TEX35: variants seen among roughly 807,000 people sequenced by gnomAD.
The protein encoded by TEX35 is testis-expressed protein 35.
A neutral mutation model predicts 31.9 loss-of-function variants in TEX35; 26 were observed. The observed-to-expected ratio is 0.81, with a 90% CI of 0.60 to 1.13. The LOEUF (loss-of-function observed/expected upper bound fraction) is 1.13. Ranked by LOEUF, TEX35 falls within the 50% of genes most tolerant of loss-of-function variation. The pLI is 0.00. For synonymous variants in TEX35, 87 were observed against 90.7 expected, an observed-to-expected ratio of 0.96 and a Z score of 0.23; for missense variants, 278 against 273.5, an observed-to-expected ratio of 1.02 and a Z score of -0.12.
chr1:178,513,573 A>G (rs1649953292), intron 1 of TEX35, among the ~76,000 whole-genome samples: 1 of 152,282 alleles, frequency 6.6e-6, no homozygotes, highest in African/African-American at 2.4e-5. Flanking sequence ...TATTAGATAA[A>G]TATAATCATC....
intron 5 of TEX35, among the ~76,000 whole-genome samples, chr1:178,519,384 A>G (rs1373610669): frequency 6.6e-6 from 1 of 152,230 alleles, no homozygotes; most frequent in Non-Finnish European, 1.5e-5. Context: ...GCTTGGGAAA[A>G]TGAAATCAGT....
intron 3 of TEX35, 107 bp downstream of exon 3, chr1:178,514,875 T>C (rs562956464): frequency 1.3e-5 from 12 of 890,288 alleles, no homozygotes; most frequent in East Asian, 5.3e-5. Context: ...TCCTCTTACA[T>C]AGGCACAGTG....
intron 3 of TEX35, 142 bp from the exon 4 acceptor site, chr1:178,515,717 T>C (rs1650051027): frequency 3.0e-6 from 2 of 676,980 alleles, no homozygotes. Flanking sequence ...TATCCTATTG[T>C]CTCAACAACA....
Position 178,521,251 on chromosome 1 carries a change from C to A in TEX35, c.573C>A (p.Asn191Lys). 2.5e-6 allele frequency: 4 copies of A among 1,614,228 alleles called. No homozygotes were observed. The highest frequency in any genetic ancestry group is 3.4e-6 in the Non-Finnish European group (4 of 1,180,042). The part of the protein sequence containing the change: ...CEKCLLCALK[N>K]NYNRGNIPSE... ...AATGTTTGTTGTGTGCTCTAAAGAA[C>A]AACTACAATCGGGGTAGGTAGATTC... The change falls in exon 8 of 9, where the codon AAC (asparagine) becomes AAA (lysine). Residue 191 changes from asparagine to lysine, a missense_variant. Asn to Lys is a moderately conservative substitution (Grantham distance 94). Coordinates refer to ENST00000319416, the MANE Select transcript of TEX35 (RefSeq NM_032126.5).
At position 178,522,649 on chromosome 1, in the gene TEX35, TC is replaced by T. The variant is rs1650328368; in HGVS notation, c.*210del. 8.1e-7 allele frequency: 1 copy of T among 1,240,462 alleles called. No homozygotes were observed. The highest frequency in any genetic ancestry group is 1.0e-6 in the Non-Finnish European group (1 of 991,458). 76.8% of individuals were successfully genotyped at this position (1,240,462 alleles called of 1,614,324 possible). ...CCATCTAATAAATAATTGGCCAAGT[TC>T]TTTTTTTTTGGAATTTTATTATTAT... On this transcript the variant is annotated 3_prime_UTR_variant, in exon 9 of 9. Transcript: ENST00000319416.
intron 6 of TEX35, 102 bp from the exon 7 acceptor site, chr1:178,520,571 G>A (rs769992899): frequency 6.3e-7 from 1 of 1,595,106 alleles, no homozygotes; most frequent in Non-Finnish European, 8.5e-7. Flanking sequence ...CCTGTGACTT[G>A]GAGTCAAGGC....
chr1:178,522,645 A>C lies in TEX35; in HGVS notation c.*205A>C. 1.6e-6 allele frequency: 2 copies of C among 1,246,796 alleles called. No individual in the cohort carries two copies. Among genetic ancestry groups the C allele is most frequent in the Non-Finnish European group, 2.0e-6 (2 of 995,428 alleles). The allele number at this position is 1,246,796 out of a possible 1,614,324, so 77.2% of individuals were successfully genotyped here. On this transcript the variant is annotated 3_prime_UTR_variant, in exon 9 of 9. Coordinates refer to ENST00000319416, the MANE Select transcript of TEX35 (RefSeq NM_032126.5). ...TCTACCATCTAATAAATAATTGGCC[A>C]AGTTCTTTTTTTTTGGAATTTTATT...
intron 5 of TEX35, among the ~76,000 whole-genome samples, chr1:178,516,948 C>T (rs940251057): frequency 6.6e-6 from 1 of 152,150 alleles, no homozygotes; most frequent in Non-Finnish European, 1.5e-5. Flanking sequence ...AAGCTTAATG[C>T]AAATCTCATC....
In TEX35 at chr1:178,521,437, G is replaced by A. The variant is rs1387934945; in HGVS notation, c.586+173G>A. The A allele has an allele frequency of 6.8e-6, 7 of 1,024,062 alleles. No individual in the cohort carries two copies. In the East Asian group the frequency reaches 1.5e-4, roughly 22 times the overall value. 63.4% of individuals were successfully genotyped at this position (1,024,062 alleles called of 1,614,324 possible). On this transcript the variant is annotated intron_variant, in intron 8 of 8. Transcript: ENST00000319416. ...CTCAGTCATACAGGATGTGGCACCA[G>A]GAAGGAGGACTTGGGTCACCCAGCC...
intron 4 of TEX35, 74 bp downstream of exon 4, chr1:178,515,989 T>C (rs1329536571): frequency 8.4e-7 from 1 of 1,187,546 alleles, no homozygotes; most frequent in Non-Finnish European, 1.2e-6. Flanking sequence ...TAAGTTTGAA[T>C]AGTGAAGGAA....
intron 5 of TEX35, among the ~76,000 whole-genome samples, chr1:178,518,954 A>T (rs1572176065): frequency 6.6e-6 from 1 of 152,184 alleles, no homozygotes; most frequent in African/African-American, 2.4e-5. Context: ...AGGGAAAAAA[A>T]AAATGAATGG....
At chr1:178,522,736 CAA>C, downstream of TEX35, 2 of 922,264 alleles carry the variant, frequency 2.2e-6, no homozygotes, top group Non-Finnish European at 2.7e-6. Flanking sequence ...GATGTTTTGA[CAA>C]AGTTATGCAA....
chr1:178,515,818 A>T lies in TEX35; in HGVS notation c.160-41A>T, dbSNP rs776070465. The T allele has an allele frequency of 9.1e-6, 14 of 1,533,118 alleles. No homozygotes were observed. In the Admixed American group the frequency reaches 2.2e-4, roughly 25 times the overall value. The allele number at this position is 1,533,118 out of a possible 1,614,324, so 95.0% of individuals were successfully genotyped here. ...GTTGATGGTTTCCCCTCCATCCTAG[A>T]TATTTCTTTCCTCCTTCTCTTCTCC... On this transcript the variant is annotated intron_variant, in intron 3 of 8. Coordinates refer to ENST00000319416, the MANE Select transcript of TEX35 (RefSeq NM_032126.5).
rs1294631259 is a variant in TEX35 at position 178,520,255 on chromosome 1, A to C, written c.277-117A>C. 13 of 1,028,120 alleles carry C rather than the reference A, an allele frequency of 1.3e-5. No individual in the cohort carries two copies. In the Admixed American group the frequency reaches 2.4e-4, roughly 19 times the overall value. 63.7% of individuals were successfully genotyped at this position (1,028,120 alleles called of 1,614,324 possible). A position where few individuals can be genotyped will look rare whatever the true frequency, so the allele number is the denominator to read the frequency against. On this transcript the variant is annotated intron_variant, in intron 5 of 8. Transcript: ENST00000319416. ...GGACACTCCAAAAGCCACCTCACCC[A>C]AGTCTAGCGAGGATTCTTGAGGAAG...
Position 178,522,605 on chromosome 1 carries a change from G to A in TEX35, c.*165G>A. On this transcript the variant is annotated 3_prime_UTR_variant, in exon 9 of 9. Coordinates refer to ENST00000319416, the MANE Select transcript of TEX35 (RefSeq NM_032126.5). Reference sequence around the variant, plus strand: ...CAGTTCCTCCTTGTTTCATCTCTTTGCTAAGCTGGCTGCTTCTACCATCTA... The same window carrying A: ...CAGTTCCTCCTTGTTTCATCTCTTTACTAAGCTGGCTGCTTCTACCATCTA... 7.6e-7 allele frequency: 1 copy of A among 1,307,562 alleles called. No homozygotes were observed. Among genetic ancestry groups the A allele is most frequent in the Non-Finnish European group, 9.7e-7 (1 of 1,027,576 alleles). The allele number at this position is 1,307,562 out of a possible 1,614,324, so 81.0% of individuals were successfully genotyped here. A position where few individuals can be genotyped will look rare whatever the true frequency, so the allele number is the denominator to read the frequency against.
chr1:178,515,699 A>C (rs10798611), intron 3 of TEX35, among the ~76,000 whole-genome samples, 160 bp from the exon 4 acceptor site: 3 of 151,974 alleles, frequency 2.0e-5, no homozygotes, highest in African/African-American at 7.2e-5. Context: ...GAGCCAGTGC[A>C]CCTGGTCTAT....
chr1:178,523,380 C>A, downstream of TEX35: 1 of 643,714 alleles, frequency 1.6e-6, no homozygotes, highest in South Asian at 1.8e-5. Context: ...CCAAACTGTT[C>A]TCCATAGTGG....
chr1:178,519,268 G>C (rs1168455985), intron 5 of TEX35, among the ~76,000 whole-genome samples: 1 of 152,206 alleles, frequency 6.6e-6, no homozygotes, highest in East Asian at 1.9e-4. Flanking sequence ...ATTCAATATG[G>C]AGACTGAAGT....
At chr1:178,514,255 C>A in intron 2 of TEX35, 178 bp downstream of exon 2, 6 of 1,516,182 alleles carry the variant, frequency 4.0e-6, no homozygotes, top group Non-Finnish European at 5.3e-6. Context: ...GATACATAAA[C>A]GAACAAGGAC....
Sources: allele counts gnomAD v4.1 joint callset (sites outside exome capture counted in the v4.1 genomes callset), GRCh38; gene constraint gnomAD v4.1.1; transcripts MANE v1.5; gene names NCBI Gene and HGNC (gene_info 2026-07-23, HGNC 2026-07-21).